ZDHHC11: variants seen among roughly 807,000 people sequenced by gnomAD.
The protein encoded by ZDHHC11 is palmitoyltransferase ZDHHC11.
Under a neutral mutation model 51.3 loss-of-function variants are expected in ZDHHC11, and 44 were observed. That is an observed-to-expected ratio of 0.86 (90% CI 0.67 to 1.10). The LOEUF (loss-of-function observed/expected upper bound fraction) is 1.10. Among genes scored for constraint, ZDHHC11 ranks in the 50% least tolerant of loss-of-function variants. The pLI is 0.00. For synonymous variants in ZDHHC11, 163 were observed against 222.0 expected (o/e 0.73, Z 2.36); for missense variants, 400 against 537.7 (o/e 0.74, Z 2.53).
In ZDHHC11 at chr5:850,607, A is replaced by T. The variant is rs1747052272; in HGVS notation, c.-5T>A. On this transcript the variant is annotated 5_prime_UTR_variant, in exon 1 of 13. Transcript: ENST00000283441. ...GCTCCCGGAGCGGGTGTCCATCTGC[A>T]GGACACAGAAGGGGAGGACCTGCGC... The T allele has an allele frequency of 6.2e-7, 1 of 1,612,764 alleles. No individual in the cohort carries two copies. The highest frequency in any genetic ancestry group is 8.5e-7 in the Non-Finnish European group (1 of 1,179,740).
chr5:851,028 A>G (rs1747147829), upstream of ZDHHC11: 1 of 220,692 alleles, frequency 4.5e-6, no homozygotes. Context: ...TGCAAGAAGA[A>G]AACCCACGTC....
At chr5:846,936 T>C (rs1746311290) in intron 3 of ZDHHC11, among the ~76,000 whole-genome samples, 1 of 151,660 alleles carries the variant, frequency 6.6e-6, no homozygotes, top group Non-Finnish European at 1.5e-5. Context: ...GAAAGACCTC[T>C]CGCCTGTGAG....
intron 4 of ZDHHC11, chr5:841,292 T>A (rs1287523121): frequency 1.0e-6 from 1 of 980,002 alleles, no homozygotes; most frequent in African/African-American, 2.0e-5. Flanking sequence ...ACCCCTTCCT[T>A]ACTAAGTGCC....
chr5:840,685 C>T lies in ZDHHC11; in HGVS notation c.629-35G>A, dbSNP rs114527251. On this transcript the variant is annotated intron_variant, in intron 4 of 12. Transcript: ENST00000283441. ...CAAGGGAGAGCCACTGTGTCCAGCA[C>T]CTGCTGACGGGTGCCACATCAGGTG... 6.1e-5 allele frequency: 99 copies of T among 1,611,946 alleles called. No individual in the cohort carries two copies. The East Asian group carries it at 7.1e-4, about 12-fold the overall frequency.
intron 1 of ZDHHC11, among the ~76,000 whole-genome samples, chr5:857,989 C>T (rs1748503871): frequency 7.0e-6 from 1 of 142,270 alleles, no homozygotes; most frequent in Non-Finnish European, 1.5e-5. Flanking sequence ...CTTTATGACA[C>T]CGTGGTCCCC....
rs1746635814 is a variant in ZDHHC11, at chr5:848,652, C to G, written c.231G>C (p.Gly77=). ...CGACGAGGTGGAACGAGAAGATCCC[C>G]CCGGTCACCTGGCATGTCAAGGAAG... is the stretch of plus-strand genomic sequence containing the variant. ...AWKYIAYVVT[G]GIFSFHLVVH... The change falls in exon 2 of 13, where the codon GGG becomes GGC. Residue 77 remains glycine (G), a synonymous_variant. Transcript: ENST00000283441. 6.2e-7 allele frequency: 1 copy of G among 1,602,642 alleles called. No homozygotes were observed. The highest frequency in any genetic ancestry group is 1.7e-5 in the Admixed American group (1 of 59,174).
At chr5:814,840 T>C (rs1226531504) in intron 10 of ZDHHC11, 45 bp from the exon 11 acceptor site, 3 of 1,488,494 alleles carry the variant, frequency 2.0e-6, no homozygotes, top group Non-Finnish European at 2.7e-6. Context: ...AACAAAGACC[T>C]TGTTGACATT....
In ZDHHC11 at chr5:825,271, G is replaced by A; in HGVS notation, c.936-20C>T. 1.2e-6 allele frequency: 2 copies of A among 1,609,232 alleles called. No homozygotes were observed. The highest frequency in any genetic ancestry group is 1.7e-5 in the Admixed American group (1 of 59,944). ...TTGACTCTGGTGGGACAGAAAGGAGGAGAGAAACTCATCTCAGCTTTGTAG... is the reference window on the plus strand; with the variant it reads ...TTGACTCTGGTGGGACAGAAAGGAGAAGAGAAACTCATCTCAGCTTTGTAG... On this transcript the variant is annotated intron_variant, in intron 7 of 12. Transcript: ENST00000283441.
At position 827,884 on chromosome 5, in the gene ZDHHC11, C is replaced by T. The variant is rs570076770; in HGVS notation, c.936-2633G>A. On this transcript the variant is annotated intron_variant, in intron 7 of 12. Transcript: ENST00000283441. ...TGGCTTTCCTAGGCAGAGGACCCAG[C>T]GGCCTTCCCCAGTGTTTGTGTCCCT... Among the ~76,000 whole-genome samples the T allele has an allele frequency of 1.1e-4, 17 of 150,988 alleles. 1 individual carries two copies. Among genetic ancestry groups the T allele is most frequent in the South Asian group, 2.1e-4 (1 of 4,804 alleles).
Position 850,622 on chromosome 5 carries a change from A to T in ZDHHC11, c.-20T>A. ...GTCCATCTGCAGGACACAGAAGGGG[A>T]GGACCTGCGCCGTCAGATCCTGGGA... On this transcript the variant is annotated 5_prime_UTR_variant, in exon 1 of 13. Transcript: ENST00000283441. 1 of 1,611,102 alleles carries T rather than the reference A, an allele frequency of 6.2e-7. No individual in the cohort carries two copies. The highest frequency in any genetic ancestry group is 8.5e-7 in the Non-Finnish European group (1 of 1,178,890).
At chr5:802,428 A>G (rs989716250) in intron 11 of ZDHHC11, among the ~76,000 whole-genome samples, 1 of 151,370 alleles carries the variant, frequency 6.6e-6, no homozygotes, top group African/African-American at 2.4e-5. Flanking sequence ...ACAAAGTATG[A>G]TAGGTGAAAT....
chr5:858,164 T>C (rs992825335), intron 1 of ZDHHC11, among the ~76,000 whole-genome samples: 4 of 141,570 alleles, frequency 2.8e-5, no homozygotes, highest in Non-Finnish European at 6.1e-5. Context: ...CCCGGTCCTG[T>C]CCCAGGCCTG....
chr5:860,312 C>T (rs887660051), upstream of ZDHHC11, among the ~76,000 whole-genome samples: 4 of 152,188 alleles, frequency 2.6e-5, no homozygotes, highest in African/African-American at 4.8e-5. The surrounding 1 kb of genome is among the most constrained non-coding windows in gnomAD (Gnocchi z 4.2). Context: ...ACAAACGCCC[C>T]GTCTTGTAGC....
chr5:817,368 A>G (rs1364277548), intron 10 of ZDHHC11, among the ~76,000 whole-genome samples: 1 of 151,528 alleles, frequency 6.6e-6, no homozygotes, highest in East Asian at 1.9e-4. Flanking sequence ...CTATCAATTC[A>G]TATTTCCATA....
At chr5:820,380 A>C (rs1741410706) in intron 9 of ZDHHC11, among the ~76,000 whole-genome samples, 1 of 151,634 alleles carries the variant, frequency 6.6e-6, no homozygotes, top group South Asian at 2.1e-4. Flanking sequence ...TGCTGAACTA[A>C]GCAAAAGTCT....
chr5:856,380 A>C (rs368670269), intron 1 of ZDHHC11, among the ~76,000 whole-genome samples: 1 of 151,632 alleles, frequency 6.6e-6, no homozygotes, highest in African/African-American at 2.4e-5. Flanking sequence ...CAGACCACCC[A>C]CAACACATAC....
chr5:844,274 A>G (rs1376037638), intron 3 of ZDHHC11, among the ~76,000 whole-genome samples: 1 of 152,408 alleles, frequency 6.6e-6, no homozygotes, highest in Non-Finnish European at 1.5e-5. Flanking sequence ...ACCGCCCGAC[A>G]ATTCAGGCAG....
intron 4 of ZDHHC11, chr5:841,926 G>T: frequency 1.0e-6 from 1 of 989,136 alleles, no homozygotes; most frequent in Non-Finnish European, 1.2e-6. Flanking sequence ...CATCCTAGAA[G>T]GCAAACACCA....
At chr5:837,099 T>C (rs1743976613) in intron 6 of ZDHHC11, among the ~76,000 whole-genome samples, 1 of 152,124 alleles carries the variant, frequency 6.6e-6, no homozygotes, top group South Asian at 2.1e-4. Flanking sequence ...TTGGAAGATG[T>C]ATCGTGCAGT....
Sources: allele counts gnomAD v4.1 joint callset (sites outside exome capture counted in the v4.1 genomes callset), GRCh38; gene constraint gnomAD v4.1.1; non-coding constraint Gnocchi (gnomAD v3.1); transcripts MANE v1.5; gene names NCBI Gene and HGNC (gene_info 2026-07-23, HGNC 2026-07-21).